Variants in GATAD2B observed in about 807,000 individuals in gnomAD.
The protein encoded by GATAD2B is transcriptional repressor p66-beta.
Under a neutral mutation model 64.3 loss-of-function variants are expected in GATAD2B, and 8 were observed. The observed-to-expected ratio is 0.12, with a 90% CI of 0.07 to 0.22. The LOEUF is 0.22. Ranked by LOEUF, GATAD2B falls within the 10% of genes least tolerant of loss-of-function variation. GATAD2B has a pLI of 1.00. For missense variants in GATAD2B, 453 were observed against 752.0 expected (o/e 0.60, Z 4.65); for synonymous variants, 281 against 271.3 (o/e 1.04, Z -0.35).
chr1:153,844,797 G>A (rs1300165099), intron 1 of GATAD2B, among the ~76,000 whole-genome samples: 2 of 149,636 alleles, frequency 1.3e-5, no homozygotes, highest in Non-Finnish European at 3.0e-5. Flanking sequence ...AGCATTGGGA[G>A]ATATACCTAA....
intron 1 of GATAD2B, among the ~76,000 whole-genome samples, chr1:153,829,426 T>C (rs572533987): frequency 5.9e-5 from 9 of 152,226 alleles, no homozygotes; most frequent in Admixed American, 1.3e-4. Flanking sequence ...TTTGTAAAAA[T>C]GGAGTACTTA....
At chr1:153,827,976 C>G in intron 2 of GATAD2B, 37 bp downstream of exon 2, 1 of 1,481,484 alleles carries the variant, frequency 6.7e-7, no homozygotes, top group South Asian at 1.2e-5. Flanking sequence ...CTTTATGAGA[C>G]GACCCTATCC....
chr1:153,915,722 G>A (rs1395658301), intron 1 of GATAD2B, among the ~76,000 whole-genome samples: 2 of 124,928 alleles, frequency 1.6e-5, no homozygotes, highest in African/African-American at 3.0e-5. Flanking sequence ...CTGGGCAACA[G>A]AGCCAGAACT....
chr1:153,904,895 C>T (rs990644384), intron 1 of GATAD2B, among the ~76,000 whole-genome samples: 38 of 152,072 alleles, frequency 2.5e-4, no homozygotes, highest in Admixed American at 6.6e-4. Context: ...TTAGTAGAGA[C>T]GGGGTTTCAT....
At chr1:153,902,901 G>T (rs1419503394) in intron 1 of GATAD2B, among the ~76,000 whole-genome samples, 1 of 152,120 alleles carries the variant, frequency 6.6e-6, no homozygotes, top group Non-Finnish European at 1.5e-5. Context: ...GGAGGCCTTT[G>T]CAGTTTCCCA....
intron 6 of GATAD2B, among the ~76,000 whole-genome samples, chr1:153,817,170 C>G (rs557887591): frequency 1.3e-5 from 2 of 152,350 alleles, no homozygotes; most frequent in South Asian, 4.1e-4. Context: ...TGCTGTATAA[C>G]CTCTCTCCTC....
Position 153,818,914 on chromosome 1 carries a change from G to T in GATAD2B, c.474C>A (p.Gly158=). ...AANLEMFKGK[G]IEERQQLIKQ... is the part of the protein sequence containing the mutation. ...TGATAAGCTGCTGCCGCTCCTCAAT[G>T]CCTTTCCCCTAAGGAAACAAGAAGA... The change falls in exon 4 of 11, where the codon GGC becomes GGA. Residue 158 remains glycine, a synonymous_variant. Transcript: ENST00000368655. The T allele has an allele frequency of 6.2e-7, 1 of 1,610,412 alleles. No homozygotes were observed. The highest frequency in any genetic ancestry group is 8.5e-7 in the Non-Finnish European group (1 of 1,179,906).
At chr1:153,920,082 G>A (rs1678384796) in intron 1 of GATAD2B, among the ~76,000 whole-genome samples, 2 of 152,232 alleles carry the variant, frequency 1.3e-5, no homozygotes, top group South Asian at 4.1e-4. Flanking sequence ...ATATGCTCCA[G>A]AGTCTAGAAA....
At chr1:153,891,720 A>T (rs1297567782) in intron 1 of GATAD2B, among the ~76,000 whole-genome samples, 1 of 149,602 alleles carries the variant, frequency 6.7e-6, no homozygotes, top group African/African-American at 2.5e-5. Context: ...AAAGAAAGAG[A>T]TGTCCTTTTT....
chr1:153,817,371 C>T lies in GATAD2B; in HGVS notation c.900+1G>A. The T allele has an allele frequency of 6.4e-7, 1 of 1,558,182 alleles. No homozygotes were observed. ...CACATTAGGGCTCAGCTCTCTCTTA[C>T]CGGTTGATAATTGATGGCGGGATTC... is the stretch of plus-strand genomic sequence containing the variant. On this transcript the variant is annotated splice_donor_variant, in intron 6 of 10. Transcript: ENST00000368655. LOFTEE classifies it high-confidence loss of function.
At chr1:153,827,972 G>A (rs1287162510) in intron 2 of GATAD2B, 41 bp downstream of exon 2, 1 of 1,450,594 alleles carries the variant, frequency 6.9e-7, no homozygotes, top group Admixed American at 1.8e-5. Context: ...CAGGCTTTAT[G>A]AGACGACCCT....
chr1:153,836,017 C>G (rs1675249793), intron 1 of GATAD2B, among the ~76,000 whole-genome samples: 1 of 152,118 alleles, frequency 6.6e-6, no homozygotes, highest in Non-Finnish European at 1.5e-5. Flanking sequence ...GCCACTGCGT[C>G]TGGCCTAAAC....
intron 1 of GATAD2B, among the ~76,000 whole-genome samples, chr1:153,835,395 T>C (rs1675228073): frequency 6.6e-6 from 1 of 151,810 alleles, no homozygotes; most frequent in South Asian, 2.1e-4. Flanking sequence ...GGAGAGTCAA[T>C]CCATGTGGCA....
chr1:153,895,566 T>C (rs1388215195), intron 1 of GATAD2B, among the ~76,000 whole-genome samples: 1 of 148,278 alleles, frequency 6.7e-6, no homozygotes, highest in Non-Finnish European at 1.5e-5. Flanking sequence ...GGCAACAGAG[T>C]GAGACCCCGT....
intron 1 of GATAD2B, among the ~76,000 whole-genome samples, chr1:153,882,217 T>C (rs995247220): frequency 2.6e-5 from 4 of 152,022 alleles, no homozygotes; most frequent in African/African-American, 9.7e-5. Flanking sequence ...TGAGAGCTAG[T>C]TTCCTCTCAA....
At position 153,838,291 on chromosome 1, in the gene GATAD2B, G is replaced by A. The variant is rs183148137; in HGVS notation, c.-1-9943C>T. Among the ~76,000 whole-genome samples, 236 of 152,290 alleles carry A rather than the reference G, an allele frequency of 1.5e-3. 2 individuals carry two copies. The highest frequency in any genetic ancestry group is 5.5e-3 in the African/African-American group (227 of 41,568). On this transcript the variant is annotated intron_variant, in intron 1 of 10. Transcript: ENST00000368655. ...ACTATGTGTCAAAGTCAGACATTAG[G>A]AGTAAAGATTTTTGGAAAACGACTA...
chr1:153,870,873 A>G (rs1250071300), intron 1 of GATAD2B, among the ~76,000 whole-genome samples: 2 of 152,186 alleles, frequency 1.3e-5, no homozygotes, highest in Admixed American at 1.3e-4. Flanking sequence ...ATATGTGTAT[A>G]TATGAGAACC....
At position 153,841,771 on chromosome 1, in the gene GATAD2B, T is replaced by C. The variant is rs1406405441; in HGVS notation, c.-1-13423A>G. On this transcript the variant is annotated intron_variant, in intron 1 of 10. Coordinates refer to ENST00000368655, the MANE Select transcript of GATAD2B (RefSeq NM_020699.4). ...ATGAACATTCATGGGAAAGTTTTTG[T>C]AGAAAAGTTTTCATTTATCTGGGAT... 2.6e-5 allele frequency among the ~76,000 whole-genome samples: 4 copies of C among 152,238 alleles called. 1 individual carries two copies. Among genetic ancestry groups the C allele is most frequent in the African/African-American group, 7.2e-5 (3 of 41,464 alleles).
chr1:153,831,569 G>C (rs1233238191), intron 1 of GATAD2B, among the ~76,000 whole-genome samples: 1 of 152,028 alleles, frequency 6.6e-6, no homozygotes, highest in Non-Finnish European at 1.5e-5. Flanking sequence ...CCTATGTAAA[G>C]TGTACAATTC....
Sources: gnomAD v4.1 joint callset for allele counts (sites outside exome capture counted in the v4.1 genomes callset) on GRCh38, gnomAD v4.1.1 for gene constraint, MANE v1.5 for transcripts, NCBI Gene and HGNC (gene_info 2026-07-23, HGNC 2026-07-21) for gene names.